Variants in FAM151B observed in about 807,000 individuals in gnomAD.
FAM151B encodes family with sequence similarity 151 member B.
Under a neutral mutation model 31.2 loss-of-function variants are expected in FAM151B, and 24 were observed. That is an observed-to-expected ratio of 0.77 (90% CI 0.56 to 1.08). The LOEUF (loss-of-function observed/expected upper bound fraction) is 1.08. FAM151B is among the 50% of genes least tolerant of loss of function. FAM151B has a pLI of 0.00. For missense variants in FAM151B, 293 were observed against 328.6 expected (o/e 0.89, Z 0.84); for synonymous variants, 105 against 111.4 (o/e 0.94, Z 0.36).
chr5:80,531,407 G>GCTT (rs1745238801), intron 5 of FAM151B, among the ~76,000 whole-genome samples: 4 of 152,168 alleles, frequency 2.6e-5, no homozygotes, highest in Admixed American at 2.6e-4. Flanking sequence ...AAACTAAAGA[G>GCTT]CTTCTGCACA....
intron 1 of FAM151B, chr5:80,500,304 G>A: frequency 1.3e-6 from 1 of 752,898 alleles, no homozygotes; most frequent in Non-Finnish European, 2.4e-6. Context: ...TATAAGATGA[G>A]CAAGTTGCCT....
intron 1 of FAM151B, among the ~76,000 whole-genome samples, chr5:80,490,578 C>T (rs1017269643): frequency 8.5e-5 from 13 of 152,194 alleles, no homozygotes; most frequent in African/African-American, 3.1e-4. Flanking sequence ...ATCCCCCACC[C>T]TTTAACATCC....
At chr5:80,531,486 A>G (rs188276640) in intron 5 of FAM151B, among the ~76,000 whole-genome samples, 1 of 152,352 alleles carries the variant, frequency 6.6e-6, no homozygotes, top group East Asian at 1.9e-4. Flanking sequence ...CAATCTACCC[A>G]TCTGACAAAG....
chr5:80,530,949 G>A (rs1003168627), intron 5 of FAM151B, among the ~76,000 whole-genome samples: 11 of 152,176 alleles, frequency 7.2e-5, no homozygotes, highest in Middle Eastern at 3.4e-3. Context: ...AGCCAAAAGA[G>A]CAAAGCTGGA....
chr5:80,513,255 A>G (rs969151470), intron 2 of FAM151B, among the ~76,000 whole-genome samples: 1 of 152,248 alleles, frequency 6.6e-6, no homozygotes, highest in Non-Finnish European at 1.5e-5. Flanking sequence ...GTGAGAAGAT[A>G]AAAGTACGAT....
At chr5:80,538,448 C>CTTTCTCTTTCTT (rs1235874356) in intron 5 of FAM151B, among the ~76,000 whole-genome samples, 30 of 49,340 alleles carry the variant, frequency 6.1e-4, no homozygotes, top group East Asian at 5.0e-3. Flanking sequence ...TTCTTTCTTT[C>CTTTCTCTTTCTT]TCTTTCTTTC....
In FAM151B at chr5:80,538,491, CTTCCTTCCTTTCTTTTCTTTCT is replaced by C. The variant is rs1464854910; in HGVS notation, c.672-3171_672-3150del. Among the ~76,000 whole-genome samples, 16 of 115,176 alleles carry C rather than the reference CTTCCTTCCTTTCTTTTCTTTCT, an allele frequency of 1.4e-4. 1 individual carries two copies. The highest frequency in any genetic ancestry group is 5.9e-4 in the African/African-American group (15 of 25,454). 75.6% of individuals were successfully genotyped at this position (115,176 alleles called of 152,430 possible). A position where few individuals can be genotyped will look rare whatever the true frequency, so the allele number is the denominator to read the frequency against. On this transcript the variant is annotated intron_variant, in intron 5 of 5. Coordinates refer to ENST00000282226, the MANE Select transcript of FAM151B (RefSeq NM_205548.3). ...CTTTCTTTCTTTCTTTCTTTCCTTC[CTTCCTTCCTTTCTTTTCTTTCT>C]TTCCTTCCTTCCTTCCTTCCTTCCT...
At chr5:80,520,634 G>T (rs1298964253) in intron 4 of FAM151B, among the ~76,000 whole-genome samples, 1 of 137,978 alleles carries the variant, frequency 7.2e-6, no homozygotes, top group African/African-American at 2.7e-5. Context: ...AACAGAGTGA[G>T]ACTCTGTCTC....
At chr5:80,522,170 G>GC in intron 5 of FAM151B, 32 bp downstream of exon 5, 1 of 1,584,124 alleles carries the variant, frequency 6.3e-7, no homozygotes, top group Non-Finnish European at 8.6e-7. Flanking sequence ...GTGTATGTGA[G>GC]TGTGTATGAG....
rs6893413 is a variant in FAM151B at position 80,491,050 on chromosome 5, C to T, written c.25+2902C>T. 4.7e-3 allele frequency among the ~76,000 whole-genome samples: 710 copies of T among 151,836 alleles called. 4 individuals carry two copies. Among genetic ancestry groups the T allele is most frequent in the African/African-American group, 0.016 (654 of 41,388 alleles). On this transcript the variant is annotated intron_variant, in intron 1 of 5. Coordinates refer to ENST00000282226, the MANE Select transcript of FAM151B (RefSeq NM_205548.3). ...TTGACAAATAATAATTGCATATTTG[C>T]GAGGTACAATGTGATGTTATGATAC...
intron 3 of FAM151B, among the ~76,000 whole-genome samples, chr5:80,518,044 C>T (rs568147669): frequency 8.0e-5 from 12 of 149,332 alleles, no homozygotes; most frequent in Admixed American, 3.4e-4. Flanking sequence ...TGCACTCCAG[C>T]CTGGGTGACA....
chr5:80,500,856 T>C, intron 1 of FAM151B: 1 of 1,045,452 alleles, frequency 9.6e-7, no homozygotes, highest in South Asian at 1.2e-5. Flanking sequence ...CTTTGATTGT[T>C]CCATCTCTTG....
At chr5:80,489,233 A>T (rs1240120894) in intron 1 of FAM151B, among the ~76,000 whole-genome samples, 3 of 152,136 alleles carry the variant, frequency 2.0e-5, no homozygotes, top group African/African-American at 7.2e-5. Context: ...TCTGTAATGA[A>T]CATTTTTGCA....
chr5:80,539,931 T>G (rs1039597782), intron 5 of FAM151B, among the ~76,000 whole-genome samples: 4 of 152,168 alleles, frequency 2.6e-5, no homozygotes, highest in Non-Finnish European at 4.4e-5. Context: ...TTGTCCATTA[T>G]TTCTCTATAC....
chr5:80,510,178 G>C (rs1487595919), intron 2 of FAM151B, among the ~76,000 whole-genome samples: 2 of 152,168 alleles, frequency 1.3e-5, no homozygotes, highest in Admixed American at 6.5e-5. Flanking sequence ...TGGGTCAGCT[G>C]GTGGTTCTGT....
In FAM151B at chr5:80,541,750, A is replaced by G. The variant is rs200855590; in HGVS notation, c.749A>G (p.Asp250Gly). ...TTACTTTACATTAGAGACCATTTTGACAAAAAACAAGTTTTCTATGACATC... is the reference window on the plus strand; with the variant it reads ...TTACTTTACATTAGAGACCATTTTGGCAAAAAACAAGTTTTCTATGACATC... ...EDLLYIRDHF[D>G]KKQVFYDILE... The change falls in exon 6 of 6, where the codon GAC becomes GGC. Residue 250 changes from aspartate to glycine, a missense_variant. Coordinates refer to ENST00000282226, the MANE Select transcript of FAM151B (RefSeq NM_205548.3). 185 of 1,613,772 alleles carry G rather than the reference A, an allele frequency of 1.1e-4. 2 individuals carry two copies. In the East Asian group the frequency reaches 4.1e-3, roughly 36 times the overall value.
chr5:80,519,710 C>T lies in FAM151B; in HGVS notation c.335C>T (p.Pro112Leu). ...GTTTTTAGTCTGGCAGTTGTAGAACCATCCATGATGCTCTTGGAAAATGTG... is the reference window on the plus strand; with the variant it reads ...GTTTTTAGTCTGGCAGTTGTAGAACTATCCATGATGCTCTTGGAAAATGTG... Reference protein sequence around the residue: ...LDFKSLAVVEPSMMLLENVKR... With the variant: ...LDFKSLAVVELSMMLLENVKR... The change falls in exon 4 of 6, where the codon CCA becomes CTA. Residue 112 changes from proline (P) to leucine (L), a missense_variant. By Grantham distance (98) the Pro-to-Leu change is moderately conservative (BLOSUM62 -3). Transcript: ENST00000282226. 1 of 1,613,892 alleles carries T rather than the reference C, an allele frequency of 6.2e-7. No individual in the cohort carries two copies. The highest frequency in any genetic ancestry group is 1.1e-5 in the South Asian group (1 of 91,024).
intron 4 of FAM151B, 80 bp downstream of exon 4, chr5:80,519,990 C>T (rs1744631900): frequency 1.5e-6 from 2 of 1,322,592 alleles, no homozygotes; most frequent in Non-Finnish European, 2.1e-6. Context: ...ATACAAAGAC[C>T]AAAACCCATT....
chr5:80,510,756 C>T (rs1209240975), intron 2 of FAM151B: 3 of 152,284 alleles, frequency 2.0e-5, no homozygotes, highest in South Asian at 2.1e-4. Context: ...GGATTGGTCA[C>T]GTGAGATGGC....
Sources: gnomAD v4.1 joint callset for allele counts (sites outside exome capture counted in the v4.1 genomes callset) on GRCh38, gnomAD v4.1.1 for gene constraint, MANE v1.5 for transcripts, NCBI Gene and HGNC (gene_info 2026-07-23, HGNC 2026-07-21) for gene names.